The following UBR4 variants were observed in gnomAD, a reference collection of about 807,000 sequenced individuals.
The protein encoded by UBR4 is ubiquitin protein ligase E3 component n-recognin 4, also known as E3 ubiquitin-protein ligase UBR4.
In UBR4, 124 loss-of-function variants were observed where a neutral mutation model predicts 575.6. The observed-to-expected ratio is 0.22, with a 90% CI of 0.19 to 0.25. The LOEUF is 0.25. UBR4 is among the 10% of genes least tolerant of loss of function. The pLI is 1.00. For synonymous variants in UBR4, 2,455 were observed against 2,473.7 expected, an observed-to-expected ratio of 0.99 and a Z score of 0.22; for missense variants, 4,818 against 6,478.8, an observed-to-expected ratio of 0.74 and a Z score of 8.80.
intron 8 of UBR4, among the ~76,000 whole-genome samples, chr1:19,193,764 C>CGT (rs1408598690): frequency 2.0e-5 from 3 of 152,082 alleles, no homozygotes; most frequent in Admixed American, 2.0e-4. Flanking sequence ...AAAACTTACA[C>CGT]GCGCGCACAC....
At chr1:19,109,531 G>A (rs1011467339) in intron 81 of UBR4, among the ~76,000 whole-genome samples, 14 of 152,230 alleles carry the variant, frequency 9.2e-5, no homozygotes, top group Non-Finnish European at 1.9e-4. Context: ...AAAGAAAGCA[G>A]GAGATAGCCA....
chr1:19,118,792 G>T, intron 71 of UBR4, 80 bp downstream of exon 71: 1 of 1,424,056 alleles, frequency 7.0e-7, no homozygotes, highest in Non-Finnish European at 9.9e-7. Context: ...CAATTCCTAT[G>T]TAAGAGCCTA....
At position 19,157,779 on chromosome 1, in the gene UBR4, G is replaced by T; in HGVS notation, c.5760+36C>A. On this transcript the variant is annotated intron_variant, in intron 40 of 105. Coordinates refer to ENST00000375254, the MANE Select transcript of UBR4 (RefSeq NM_020765.3). The surrounding 1 kb of genome is among the most constrained non-coding windows in gnomAD (Gnocchi z 4.4). The stretch of plus-strand genomic sequence containing the variant: ...TTTTGCTTAGCATTTAAGACAATAT[G>T]ACCTAAAGTAAGCGCACAAGAATTG... 6.2e-7 allele frequency: 1 copy of T among 1,605,286 alleles called. No homozygotes were observed. Among genetic ancestry groups the T allele is most frequent in the Non-Finnish European group, 8.5e-7 (1 of 1,173,998 alleles).
Position 19,139,331 on chromosome 1 carries a change from T to G in UBR4, c.8594-111A>C. On this transcript the variant is annotated intron_variant, in intron 58 of 105. Transcript: ENST00000375254. The surrounding 1 kb of genome is among the most constrained non-coding windows in gnomAD (Gnocchi z 4.2). ...TGAAAGCATCAAACCACATAGTGCA[T>G]AGGACACAATGCAGTTTATATATCC... The G allele has an allele frequency of 7.4e-7, 1 of 1,354,050 alleles. No individual in the cohort carries two copies. 83.9% of individuals were successfully genotyped at this position (1,354,050 alleles called of 1,614,324 possible). A position where few individuals can be genotyped will look rare whatever the true frequency, so the allele number is the denominator to read the frequency against.
intron 1 of UBR4, 56 bp downstream of exon 1, chr1:19,210,017 G>C: frequency 6.7e-7 from 1 of 1,481,860 alleles, no homozygotes; most frequent in Middle Eastern, 1.8e-4. Context: ...AGACGATCCG[G>C]CTCGAAATCC....
chr1:19,140,795 T>C lies in UBR4; in HGVS notation c.8586A>G (p.Thr2862=), dbSNP rs1380603369. The change falls in exon 58 of 106, where the codon ACA becomes ACG. Residue 2862 remains threonine, a synonymous_variant. Transcript: ENST00000375254. ...SLDAGTLSDT[T]ASAPASDDEG... ...CTTGCTGTGGACAGTTACCTGATGC[T>C]GTGGTGTCAGAGAGGGTTCCTGCGT... 1 of 1,613,080 alleles carries C rather than the reference T, an allele frequency of 6.2e-7. No homozygotes were observed. The highest frequency in any genetic ancestry group is 8.5e-7 in the Non-Finnish European group (1 of 1,179,860).
At position 19,112,882 on chromosome 1, in the gene UBR4, G is replaced by A; in HGVS notation, c.11458-15C>T. 1 of 1,544,172 alleles carries A rather than the reference G, an allele frequency of 6.5e-7. No homozygotes were observed. Among genetic ancestry groups the A allele is most frequent in the South Asian group, 1.2e-5 (1 of 80,872 alleles). ...GCAAAGACTTTCTAAGAACAAAAAGGCAACAATAATGGGAATTAGCAATTA... is the reference window on the plus strand; with the variant it reads ...GCAAAGACTTTCTAAGAACAAAAAGACAACAATAATGGGAATTAGCAATTA... On this transcript the variant is annotated splice_polypyrimidine_tract_variant and intron_variant, in intron 77 of 105. Transcript: ENST00000375254.
At chr1:19,154,082 T>G in intron 44 of UBR4, 143 bp from the exon 45 acceptor site, 1 of 938,684 alleles carries the variant, frequency 1.1e-6, no homozygotes, top group Non-Finnish European at 1.6e-6. Context: ...CACAGGTTAG[T>G]TTTATTCCAA....
chr1:19,142,896 C>T (rs997684479), intron 55 of UBR4, among the ~76,000 whole-genome samples: 1 of 151,634 alleles, frequency 6.6e-6, no homozygotes, highest in African/African-American at 2.4e-5. Context: ...CCGAGGCGGG[C>T]GGATCATTTG....
At chr1:19,075,402 C>T in intron 105 of UBR4, 1 of 192,460 alleles carries the variant, frequency 5.2e-6, no homozygotes, top group Non-Finnish European at 1.1e-5. Context: ...GCTCATGCAA[C>T]AGGCACAGGG....
chr1:19,144,075 A>C lies in UBR4; in HGVS notation c.8084T>G (p.Phe2695Cys), dbSNP rs770589935. 5.0e-6 allele frequency: 8 copies of C among 1,613,864 alleles called. No homozygotes were observed. Among genetic ancestry groups the C allele is most frequent in the Non-Finnish European group, 5.1e-6 (6 of 1,179,888 alleles). ...TCGAATTAGAGCTTGTTTACAAGAG[A>C]AGCTCACAGCAGGATCCTGAGGTTT... ...MLLCPDPAVS[F>C]SCKQALIRVL... Residue 2695 changes from phenylalanine (F) to cysteine (C), a missense_variant, in exon 55 of 106, where the codon TTC becomes TGC. This residue lies in a region of UBR4 where 340 missense variants were observed against 375.4 expected (regional missense o/e 0.91). Transcript: ENST00000375254.
chr1:19,153,671 C>T lies in UBR4; in HGVS notation c.6630+97G>A, dbSNP rs1017293843. Reference sequence around the variant, plus strand: ...AAAAGGACTGAAAATCTTTTATGGGCCTCCATTGAAAGAGCTGGGAAAGTG... The same window carrying T: ...AAAAGGACTGAAAATCTTTTATGGGTCTCCATTGAAAGAGCTGGGAAAGTG... On this transcript the variant is annotated intron_variant, in intron 45 of 105. Transcript: ENST00000375254. The surrounding 1 kb of genome is among the most constrained non-coding windows in gnomAD (Gnocchi z 4.1). 17 of 1,507,146 alleles carry T rather than the reference C, an allele frequency of 1.1e-5. No homozygotes were observed. In the East Asian group the frequency reaches 2.3e-4, roughly 20 times the overall value. The allele number at this position is 1,507,146 out of a possible 1,614,324, so 93.4% of individuals were successfully genotyped here.
intron 55 of UBR4, 31 bp downstream of exon 55, chr1:19,143,949 G>A (rs1251980113): frequency 1.2e-6 from 2 of 1,601,696 alleles, no homozygotes; most frequent in South Asian, 1.1e-5. Flanking sequence ...CCCAAATACA[G>A]GCTTGAGCCT....
Position 19,112,777 on chromosome 1 carries a change from T to C in UBR4, c.11548A>G (p.Thr3850Ala). The C allele has an allele frequency of 6.2e-7, 1 of 1,614,210 alleles. No homozygotes were observed. The highest frequency in any genetic ancestry group is 8.5e-7 in the Non-Finnish European group (1 of 1,180,018). Reference protein sequence around the residue: ...TKSSRTSVQPTFTASQYRALS... With the variant: ...TKSSRTSVQPAFTASQYRALS... ...GCACGGTACTGGCTGGCAGTGAATG[T>C]GGGCTGCACGGAGGTCCGGGATGAT... Residue 3850 changes from threonine to alanine, a missense_variant, in exon 78 of 106, where the codon ACA becomes GCA. By Grantham distance (58) the Thr-to-Ala change is moderately conservative (BLOSUM62 0). Coordinates refer to ENST00000375254, the MANE Select transcript of UBR4 (RefSeq NM_020765.3).
chr1:19,086,111 C>A, intron 101 of UBR4, 34 bp downstream of exon 101: 1 of 1,610,680 alleles, frequency 6.2e-7, no homozygotes, highest in South Asian at 1.1e-5. Flanking sequence ...TGCAAATCCC[C>A]TCCATTCCAC....
rs139338610 is a variant in UBR4, at chr1:19,120,231, T to A, written c.10259A>T (p.Asn3420Ile). 1 of 1,614,026 alleles carries A rather than the reference T, an allele frequency of 6.2e-7. No homozygotes were observed. Among genetic ancestry groups the A allele is most frequent in the African/African-American group, 1.3e-5 (1 of 74,916 alleles). Residue 3420 changes from asparagine to isoleucine, a missense_variant, in exon 69 of 106, where the codon AAT (asparagine) becomes ATT (isoleucine). By Grantham distance (149) the Asn-to-Ile change is moderately radical. Around this residue, in one of 29 missense-constraint regions of UBR4, gnomAD observed 550 missense variants for 791.5 expected, o/e 0.69. Transcript: ENST00000375254. ...GGCCTGCCAGCGCACCGAGGAAGAA[T>A]TGGACTCTAACAGGAAACAACGCAG... ...QFLRCFLLES[N>I]SSSVRWQAHC...
At chr1:19,156,693 G>C in intron 41 of UBR4, 74 bp downstream of exon 41, 2 of 1,529,402 alleles carry the variant, frequency 1.3e-6, no homozygotes. Context: ...AGAAAAAGTA[G>C]TTCTGAGAAC....
chr1:19,159,149 AAAAG>A (rs2086894113), intron 39 of UBR4, among the ~76,000 whole-genome samples: 2 of 152,290 alleles, frequency 1.3e-5, no homozygotes, highest in East Asian at 3.9e-4. Flanking sequence ...CCATCTCCAA[AAAAG>A]AAAGCCAATT....
Position 19,174,382 on chromosome 1 carries a change from C to A in UBR4, c.2919G>T (p.Leu973=). ...TATCAAGCTGGGACCCAGCTGCAAG[C>A]AGGGCTGTCAGTGCAGCATAAAGCT... is the stretch of plus-strand genomic sequence containing the variant. ...YDELYAALTA[L]LAAGSQLDTV... Residue 973 remains leucine (L), a synonymous_variant, in exon 22 of 106, where the codon CTG becomes CTT. Coordinates refer to ENST00000375254, the MANE Select transcript of UBR4 (RefSeq NM_020765.3). The A allele has an allele frequency of 6.2e-7, 1 of 1,613,326 alleles. No individual in the cohort carries two copies. The highest frequency in any genetic ancestry group is 8.5e-7 in the Non-Finnish European group (1 of 1,179,974).
Sources: gnomAD v4.1 joint callset for allele counts (sites outside exome capture counted in the v4.1 genomes callset) on GRCh38, gnomAD v4.1.1 for gene constraint, gnomAD v4.1.1 regional missense constraint, Gnocchi (gnomAD v3.1) non-coding constraint, MANE v1.5 for transcripts, NCBI Gene and HGNC (gene_info 2026-07-23, HGNC 2026-07-21) for gene names.